NOX4: variants seen among roughly 807,000 people sequenced by gnomAD.
NOX4 encodes the protein NADPH oxidase 4.
In NOX4, 69 loss-of-function variants were observed where a neutral mutation model predicts 87.6. The ratio of observed to expected loss-of-function variants is 0.79; its 90% confidence interval spans 0.65 to 0.96. The LOEUF is 0.96. Ranked by LOEUF, NOX4 falls within the 40% of genes least tolerant of loss-of-function variation. The probability of loss-of-function intolerance (pLI) is 0.00; values close to 1 mark genes in which losing one functional copy is unlikely to be tolerated. For missense variants in NOX4, 680 were observed against 681.5 expected (o/e 1.00, Z 0.02); for synonymous variants, 275 against 238.2 (o/e 1.15, Z -1.42).
chr11:89,336,935 TC>T (rs1278993883), intron 16 of NOX4, among the ~76,000 whole-genome samples: 2 of 152,078 alleles, frequency 1.3e-5, no homozygotes, highest in African/African-American at 4.8e-5. Context: ...AATGTTGTCT[TC>T]AAATATTAGT....
At chr11:89,585,959 C>G in the NOX4 span, among the ~76,000 whole-genome samples, 18 of 152,250 alleles carry the variant, frequency 1.2e-4, no homozygotes, top group Admixed American at 7.2e-4. Context: ...TAATATTTCA[C>G]AACATTTAAT....
intron 12 of NOX4, among the ~76,000 whole-genome samples, chr11:89,358,393 A>G (rs1354464494): frequency 2.0e-5 from 3 of 149,948 alleles, no homozygotes; most frequent in African/African-American, 7.3e-5. Flanking sequence ...TCTCAAAAAA[A>G]AAAAAAAAAA....
chr11:89,503,559 T>A, the NOX4 span, among the ~76,000 whole-genome samples: 1 of 151,968 alleles, frequency 6.6e-6, no homozygotes, highest in African/African-American at 2.4e-5. Flanking sequence ...GTTGTGAGAT[T>A]GAAAATGCCA....
the NOX4 span, among the ~76,000 whole-genome samples, chr11:89,561,050 C>CATATATATATATATATATATAT: frequency 7.4e-4 from 21 of 28,552 alleles, 1 homozygote; most frequent in Non-Finnish European, 7.9e-4. Flanking sequence ...ATATATCATA[C>CATATATATATATATATATATAT]ATATATATAT....
the NOX4 span, among the ~76,000 whole-genome samples, chr11:89,553,949 C>T: frequency 6.7e-6 from 1 of 150,294 alleles, no homozygotes; most frequent in African/African-American, 2.4e-5. Context: ...AGTTAGACTC[C>T]TATCCGCTCA....
chr11:89,491,353 G>A lies in NOX4; in HGVS notation c.-107C>T. The A allele has an allele frequency of 9.5e-7, 1 of 1,052,824 alleles. No homozygotes were observed. Among genetic ancestry groups the A allele is most frequent in the East Asian group, 2.7e-5 (1 of 37,246 alleles). 65.2% of individuals were successfully genotyped at this position (1,052,824 alleles called of 1,614,324 possible). A position where few individuals can be genotyped will look rare whatever the true frequency, so the allele number is the denominator to read the frequency against. On this transcript the variant is annotated 5_prime_UTR_variant, in exon 1 of 18. Coordinates refer to ENST00000263317, the MANE Select transcript of NOX4 (RefSeq NM_016931.5). ...TGCGGCCTGCCGGGCCGCTGAGCGA[G>A]GACCGAGGGTCAAAGACTGAGTGGA... is the stretch of plus-strand genomic sequence containing the variant.
chr11:89,516,424 T>C, the NOX4 span, among the ~76,000 whole-genome samples: 1 of 152,080 alleles, frequency 6.6e-6, no homozygotes, highest in Non-Finnish European at 1.5e-5. Flanking sequence ...TCAGACTAAC[T>C]ATGGTTTCCT....
At chr11:89,558,675 G>A in the NOX4 span, among the ~76,000 whole-genome samples, 1 of 152,016 alleles carries the variant, frequency 6.6e-6, no homozygotes, top group Admixed American at 6.6e-5. Flanking sequence ...ATCTCATGTA[G>A]CTCCTTACAG....
chr11:89,426,894 T>C (rs1471242827), intron 7 of NOX4, among the ~76,000 whole-genome samples: 2 of 152,070 alleles, frequency 1.3e-5, no homozygotes, highest in Non-Finnish European at 2.9e-5. Flanking sequence ...CAGCATGGAA[T>C]TTGAGATCTG....
At chr11:89,548,991 C>T in the NOX4 span, among the ~76,000 whole-genome samples, 1 of 152,164 alleles carries the variant, frequency 6.6e-6, no homozygotes, top group African/African-American at 2.4e-5. Context: ...TCCATGTAAG[C>T]ACCATATATA....
chr11:89,407,664 GTTTC>G (rs1164352124), intron 8 of NOX4, among the ~76,000 whole-genome samples: 9 of 151,530 alleles, frequency 5.9e-5, no homozygotes, highest in Admixed American at 1.3e-4. Context: ...CTTTCTGTTT[GTTTC>G]TTTCTTTTTA....
At chr11:89,454,806 T>C (rs1945117256) in intron 2 of NOX4, among the ~76,000 whole-genome samples, 1 of 152,090 alleles carries the variant, frequency 6.6e-6, no homozygotes, top group Non-Finnish European at 1.5e-5. Context: ...GCGTTTTTAA[T>C]GAATCACTGA....
chr11:89,568,803 A>C, the NOX4 span, among the ~76,000 whole-genome samples: 1 of 152,212 alleles, frequency 6.6e-6, no homozygotes, highest in Non-Finnish European at 1.5e-5. Flanking sequence ...AGCATGGTAC[A>C]AGTATAAAAA....
chr11:89,586,651 A>G, the NOX4 span, among the ~76,000 whole-genome samples: 1 of 152,328 alleles, frequency 6.6e-6, no homozygotes, highest in Admixed American at 6.5e-5. Flanking sequence ...CTTCATAAAT[A>G]CAATGCAACA....
At chr11:89,333,473 T>C (rs923138483) in intron 17 of NOX4, among the ~76,000 whole-genome samples, 8 of 151,694 alleles carry the variant, frequency 5.3e-5, no homozygotes, top group African/African-American at 1.9e-4. Flanking sequence ...TAAGAATACA[T>C]AACGAAGAGT....
At chr11:89,388,414 T>C (rs1377478035) in intron 11 of NOX4, among the ~76,000 whole-genome samples, 1 of 152,128 alleles carries the variant, frequency 6.6e-6, no homozygotes, top group African/African-American at 2.4e-5. Context: ...ATCCAATGAC[T>C]GGTCAGTTGG....
At chr11:89,564,022 C>T in the NOX4 span, among the ~76,000 whole-genome samples, 1 of 152,090 alleles carries the variant, frequency 6.6e-6, no homozygotes, top group African/African-American at 2.4e-5. Context: ...TTGCCTTTGA[C>T]ATGGCAAGGC....
At chr11:89,432,884 T>C (rs1270375503) in intron 6 of NOX4, 28 bp from the exon 7 acceptor site, 2 of 1,485,618 alleles carry the variant, frequency 1.3e-6, no homozygotes, top group African/African-American at 1.4e-5. Context: ...AGTAGGTTTT[T>C]ACTTAAATCA....
At chr11:89,405,115 T>TGTG (rs58137988) in intron 8 of NOX4, among the ~76,000 whole-genome samples, 3 of 150,016 alleles carry the variant, frequency 2.0e-5, no homozygotes, top group Non-Finnish European at 4.4e-5. Context: ...TGTGTGTGTG[T>TGTG]TGGAATGGGG....
Sources: allele counts gnomAD v4.1 joint callset (sites outside exome capture counted in the v4.1 genomes callset), GRCh38; gene constraint gnomAD v4.1.1; transcripts MANE v1.5; gene names NCBI Gene and HGNC (gene_info 2026-07-23, HGNC 2026-07-21).